HTRA2: variants seen among roughly 807,000 people sequenced by gnomAD.
HTRA2 encodes the protein serine protease HTRA2, mitochondrial.
A neutral mutation model predicts 42.2 loss-of-function variants in HTRA2; 24 were observed. The observed-to-expected ratio is 0.57, with a 90% CI of 0.41 to 0.80. The LOEUF is 0.80. Among genes scored for constraint, HTRA2 ranks in the 30% least tolerant of loss-of-function variants. The probability of loss-of-function intolerance (pLI) is 0.00; values close to 1 mark genes in which losing one functional copy is unlikely to be tolerated. For missense variants in HTRA2, 466 were observed against 613.5 expected (o/e 0.76, Z 2.54); for synonymous variants, 245 against 255.8 (o/e 0.96, Z 0.40).
intron 5 of HTRA2, 41 bp from the exon 6 acceptor site, chr2:74,531,815 A>G: frequency 6.2e-7 from 1 of 1,612,886 alleles, no homozygotes; most frequent in South Asian, 1.1e-5. Context: ...CAGGGAAGGA[A>G]GGATGTAGCT....
In HTRA2 at chr2:74,529,951, C is replaced by G; in HGVS notation, c.-56C>G. On this transcript the variant is annotated 5_prime_UTR_variant, in exon 1 of 8. Coordinates refer to ENST00000258080, the MANE Select transcript of HTRA2 (RefSeq NM_013247.5). ...CCGCGTCCTACTGTCCGCCTGCTCG[C>G]GTCCTGGGTGCCGCCTCTGAGTAGG... 1 of 1,497,444 alleles carries G rather than the reference C, an allele frequency of 6.7e-7. No homozygotes were observed. Among genetic ancestry groups the G allele is most frequent in the Non-Finnish European group, 8.9e-7 (1 of 1,128,416 alleles). 92.8% of individuals were successfully genotyped at this position (1,497,444 alleles called of 1,614,324 possible). A position where few individuals can be genotyped will look rare whatever the true frequency, so the allele number is the denominator to read the frequency against.
At chr2:74,531,800 G>A in intron 5 of HTRA2, 56 bp from the exon 6 acceptor site, 9 of 1,612,404 alleles carry the variant, frequency 5.6e-6, no homozygotes, top group Non-Finnish European at 7.6e-6. Context: ...ACTGGGAGAA[G>A]AGGGCAGGGA....
upstream of HTRA2, chr2:74,529,649 C>A (rs1331271509): frequency 1.3e-6 from 2 of 1,550,886 alleles, no homozygotes; most frequent in South Asian, 2.4e-5. Context: ...TTCAGGAGCG[C>A]CCGGCCGTCG....
upstream of HTRA2, chr2:74,529,542 G>A (rs754176409): frequency 4.5e-6 from 7 of 1,550,272 alleles, no homozygotes; most frequent in Admixed American, 1.4e-4. Flanking sequence ...AAGGCCGAGA[G>A]CACGCGGGGA....
At chr2:74,529,743 G>GA, upstream of HTRA2, 1 of 1,512,464 alleles carries the variant, frequency 6.6e-7, no homozygotes, top group East Asian at 2.5e-5. Flanking sequence ...GAGGGGACCC[G>GA]AAGTCCTGAG....
rs775840965 is a variant in HTRA2, at chr2:74,530,042, G to C, written c.36G>C (p.Trp12Cys). The part of the protein sequence containing the change: ...AAPRAGRGAG[W>C]SLRAWRALGG... Reference sequence around the variant, plus strand: ...CGAGGGCGGGGCGGGGTGCAGGCTGGAGCCTTCGGGCATGGCGGGCTTTGG... The same window carrying C: ...CGAGGGCGGGGCGGGGTGCAGGCTGCAGCCTTCGGGCATGGCGGGCTTTGG... Residue 12 changes from tryptophan (W) to cysteine (C), a missense_variant, in exon 1 of 8, where the codon TGG (tryptophan) becomes TGC (cysteine). Physicochemically the swap from Trp to Cys is radical, Grantham distance 215 (BLOSUM62 -2). Coordinates refer to ENST00000258080, the MANE Select transcript of HTRA2 (RefSeq NM_013247.5). This position sits in a 1 kb window ranked among gnomAD's most constrained non-coding sequence, Gnocchi z 7.4. 2.5e-6 allele frequency: 4 copies of C among 1,575,352 alleles called. No homozygotes were observed. The highest frequency in any genetic ancestry group is 1.1e-5 in the South Asian group (1 of 87,360).
intron 6 of HTRA2, 132 bp downstream of exon 6, chr2:74,532,057 T>G: frequency 1.1e-6 from 1 of 893,690 alleles, no homozygotes. Flanking sequence ...TCACAAGAGC[T>G]GTCTCCCTTC....
In HTRA2 at chr2:74,533,295, T is replaced by A. The variant is rs1234021676; in HGVS notation, c.*310T>A. The A allele has an allele frequency of 1.9e-6, 1 of 531,658 alleles. No homozygotes were observed. The highest frequency in any genetic ancestry group is 3.3e-6 in the Non-Finnish European group (1 of 299,148). The allele number at this position is 531,658 out of a possible 1,614,324, so 32.9% of individuals were successfully genotyped here. A position where few individuals can be genotyped will look rare whatever the true frequency, so the allele number is the denominator to read the frequency against. ...ACTGGAGCTGACCATCCTGACCTCC[T>A]ATTAAAGAAAATGAGCTGCTGCCAT... is the stretch of plus-strand genomic sequence containing the variant. On this transcript the variant is annotated 3_prime_UTR_variant, in exon 8 of 8. Transcript: ENST00000258080.
downstream of HTRA2, chr2:74,533,526 C>T: frequency 1.5e-6 from 2 of 1,329,882 alleles, no homozygotes; most frequent in Non-Finnish European, 2.1e-6. Flanking sequence ...ACATGGGTTT[C>T]TTGGTAAGCT....
intron 6 of HTRA2, chr2:74,532,334 A>G: frequency 6.1e-6 from 3 of 491,212 alleles, no homozygotes; most frequent in Non-Finnish European, 1.1e-5. Flanking sequence ...TTTAGGCTCA[A>G]CTTAAGTTCT....
rs1675681495 is a variant in HTRA2, at chr2:74,532,459, T to C, written c.1116-160T>C. The C allele has an allele frequency of 5.8e-6, 4 of 687,338 alleles. No homozygotes were observed. In the East Asian group the frequency reaches 8.3e-5, roughly 14 times the overall value. The allele number at this position is 687,338 out of a possible 1,614,324, so 42.6% of individuals were successfully genotyped here. On this transcript the variant is annotated intron_variant, in intron 6 of 7. Transcript: ENST00000258080. ...CATCTTTTATGTACATGTTGCACTT[T>C]ATTGCTAGAAGACAGAAAGTGAGTT...
In HTRA2 at chr2:74,530,003, G is replaced by A; in HGVS notation, c.-4G>A. ...CGGGCGAGGAGGCAGCCAAGGCGGAGCTGATGGCTGCGCCGAGGGCGGGGC... is the reference window on the plus strand; with the variant it reads ...CGGGCGAGGAGGCAGCCAAGGCGGAACTGATGGCTGCGCCGAGGGCGGGGC... On this transcript the variant is annotated 5_prime_UTR_variant, in exon 1 of 8. Transcript: ENST00000258080. This position sits in a 1 kb window ranked among gnomAD's most constrained non-coding sequence, Gnocchi z 7.4. 1 of 1,531,882 alleles carries A rather than the reference G, an allele frequency of 6.5e-7. No individual in the cohort carries two copies. Among genetic ancestry groups the A allele is most frequent in the East Asian group, 2.3e-5 (1 of 43,742 alleles). The allele number at this position is 1,531,882 out of a possible 1,614,324, so 94.9% of individuals were successfully genotyped here. A position where few individuals can be genotyped will look rare whatever the true frequency, so the allele number is the denominator to read the frequency against.
At chr2:74,531,539 G>T (rs2241027) in intron 4 of HTRA2, 58 bp from the exon 5 acceptor site, 1 of 1,612,672 alleles carries the variant, frequency 6.2e-7, no homozygotes, top group Non-Finnish European at 8.5e-7. Context: ...TTTTGTTCGG[G>T]TGCCCCCATC....
chr2:74,533,227 A>C lies in HTRA2; in HGVS notation c.*242A>C. 1 of 564,718 alleles carries C rather than the reference A, an allele frequency of 1.8e-6. No individual in the cohort carries two copies. The allele number at this position is 564,718 out of a possible 1,614,324, so 35.0% of individuals were successfully genotyped here. ...AGGGCTGGATCTTTTCCCCCACCAA[A>C]AGGCTAGAGGTAAAGCTGTATCCCC... On this transcript the variant is annotated 3_prime_UTR_variant, in exon 8 of 8. Transcript: ENST00000258080.
Position 74,530,371 on chromosome 2 carries a change from G to T in HTRA2, c.365G>T (p.Trp122Leu). Residue 122 changes from tryptophan (W) to leucine (L), a missense_variant, in exon 1 of 8, where the codon TGG becomes TTG. Coordinates refer to ENST00000258080, the MANE Select transcript of HTRA2 (RefSeq NM_013247.5). The surrounding 1 kb of genome is among the most constrained non-coding windows in gnomAD (Gnocchi z 7.4). ...GAGGAVLLLL[W>L]GGGRGPPAVL... ...GGGGGGGCAGTGCTGTTGTTGTTGT[G>T]GGGCGGGGGTCGGGGTCCTCCGGCC... 3.8e-6 allele frequency: 6 copies of T among 1,592,734 alleles called. No homozygotes were observed. Among genetic ancestry groups the T allele is most frequent in the Non-Finnish European group, 5.1e-6 (6 of 1,170,578 alleles).
Position 74,531,080 on chromosome 2 carries a change from A to G in HTRA2, c.881A>G (p.Tyr294Cys). The G allele has an allele frequency of 6.2e-7, 1 of 1,614,208 alleles. No individual in the cohort carries two copies. The highest frequency in any genetic ancestry group is 8.5e-7 in the Non-Finnish European group (1 of 1,180,044). The change falls in exon 3 of 8, where the codon TAC (tyrosine) becomes TGC (cysteine). Residue 294 changes from tyrosine (Y) to cysteine (C), a missense_variant. By Grantham distance (194) the Tyr-to-Cys change is radical. This residue lies in a region of HTRA2 where 115 missense variants were observed against 245.4 expected (regional missense o/e 0.47). Transcript: ENST00000258080. ...DLGLPQTNVEYIQTDAAIDFG... is the reference protein window; with the variant it reads ...DLGLPQTNVECIQTDAAIDFG... ...GGACTCCCCCAAACCAATGTGGAAT[A>G]CATTCAAACTGATGCAGCTATTGAT...
rs1437200968 is a variant in HTRA2 at position 74,531,936 on chromosome 2, TAGGGAC to T, written c.1115+14_1115+19del. 1 of 1,613,644 alleles carries T rather than the reference TAGGGAC, an allele frequency of 6.2e-7. No homozygotes were observed. The highest frequency in any genetic ancestry group is 8.5e-7 in the Non-Finnish European group (1 of 1,179,566). ...GACCCTGAGTCCCAGGTATGAGCTT[TAGGGAC>T]AGTGACATGTAATGTGACCAGTGTA... On this transcript the variant is annotated intron_variant, in intron 6 of 7. Transcript: ENST00000258080.
chr2:74,529,668 G>T, upstream of HTRA2: 1 of 1,543,850 alleles, frequency 6.5e-7, no homozygotes. Context: ...CGCCGCCGCC[G>T]CCATTTTCGC....
At chr2:74,531,229 C>T in intron 3 of HTRA2, 110 bp from the exon 4 acceptor site, 10 of 1,551,102 alleles carry the variant, frequency 6.4e-6, no homozygotes, top group Non-Finnish European at 7.1e-6. Flanking sequence ...AATGTGGCCA[C>T]TTATTCATGG....
Sources: allele counts gnomAD v4.1 joint callset, GRCh38; gene constraint gnomAD v4.1.1; regional missense constraint gnomAD v4.1.1; non-coding constraint Gnocchi (gnomAD v3.1); transcripts MANE v1.5; gene names NCBI Gene and HGNC (gene_info 2026-07-23, HGNC 2026-07-21).